NAALADL2: variants seen among roughly 807,000 people sequenced by gnomAD.
The protein encoded by NAALADL2 is N-acetylated alpha-linked acidic dipeptidase like 2, also known as inactive N-acetylated-alpha-linked acidic dipeptidase-like protein 2.
Under a neutral mutation model 87.2 loss-of-function variants are expected in NAALADL2, and 76 were observed. The ratio of observed to expected loss-of-function variants is 0.87; its 90% CI spans 0.72 to 1.05. The LOEUF is 1.05. Among genes scored for constraint, NAALADL2 ranks in the 50% least tolerant of loss-of-function variants. The pLI is 0.00. For missense variants in NAALADL2, 1,089 were observed against 945.8 expected, an observed-to-expected ratio of 1.15 and a Z score of -1.99; for synonymous variants, 354 against 331.0, an observed-to-expected ratio of 1.07 and a Z score of -0.75.
At chr3:175,396,585 C>G (rs1488150815) in intron 5 of NAALADL2, among the ~76,000 whole-genome samples, 11 of 151,960 alleles carry the variant, frequency 7.2e-5, no homozygotes, top group Non-Finnish European at 1.5e-4. Context: ...TCATCATGCA[C>G]TAGAGACGCC....
chr3:175,332,404 T>C (rs1042426973), intron 5 of NAALADL2, among the ~76,000 whole-genome samples: 13 of 152,124 alleles, frequency 8.5e-5, no homozygotes, highest in Non-Finnish European at 1.5e-5. Context: ...AAGGCACAAG[T>C]GATCCTCCCA....
At chr3:174,493,792 T>C (rs2108354592) in intron 1 of NAALADL2, among the ~76,000 whole-genome samples, 1 of 152,350 alleles carries the variant, frequency 6.6e-6, no homozygotes, top group Non-Finnish European at 1.5e-5. Flanking sequence ...ATTAAGTATT[T>C]TGTTAGGTGC....
chr3:175,198,046 G>C (rs575076990), intron 2 of NAALADL2, among the ~76,000 whole-genome samples: 1 of 152,098 alleles, frequency 6.6e-6, no homozygotes, highest in African/African-American at 2.4e-5. Flanking sequence ...CATAAACAAA[G>C]TTATCCTGTA....
At chr3:175,370,529 T>C (rs1336677093) in intron 5 of NAALADL2, among the ~76,000 whole-genome samples, 2 of 152,136 alleles carry the variant, frequency 1.3e-5, no homozygotes, top group Non-Finnish European at 2.9e-5. Context: ...TAAAAATAGC[T>C]TTATTCATTT....
At position 174,990,527 on chromosome 3, in the gene NAALADL2, A is replaced by AT. The variant is rs562258005; in HGVS notation, c.44-106256dup. Among the ~76,000 whole-genome samples the AT allele has an allele frequency of 7.1e-3, 1,080 of 152,174 alleles. 12 individuals are homozygous for AT. The highest frequency in any genetic ancestry group is 0.025 in the African/African-American group (1,031 of 41,532). ...TAAAACAAATTGAAGTGAGGGATTGATTTTTTTGAAGGTGGTTTTAAATAA... is the reference window on the plus strand; with the variant it reads ...TAAAACAAATTGAAGTGAGGGATTGATTTTTTTTGAAGGTGGTTTTAAATAA... On this transcript the variant is annotated intron_variant, in intron 1 of 13. Coordinates refer to ENST00000454872, the MANE Select transcript of NAALADL2 (RefSeq NM_207015.3).
chr3:175,350,165 A>T (rs1184660974), intron 5 of NAALADL2, among the ~76,000 whole-genome samples: 1 of 151,318 alleles, frequency 6.6e-6, no homozygotes, highest in Admixed American at 6.6e-5. Flanking sequence ...GCTGGCTTTT[A>T]TCCTTTTCCT....
intron 11 of NAALADL2, among the ~76,000 whole-genome samples, chr3:175,707,150 A>G (rs559413149): frequency 1.1e-4 from 17 of 152,188 alleles, no homozygotes; most frequent in Admixed American, 1.1e-3. Context: ...ACATGTGCAG[A>G]TGTTGTTCTG....
intron 3 of NAALADL2, among the ~76,000 whole-genome samples, chr3:174,796,954 A>C (rs1366822032): frequency 2.0e-5 from 3 of 151,790 alleles, no homozygotes; most frequent in Non-Finnish European, 4.4e-5. Flanking sequence ...AGATCTTGTT[A>C]GTTTAATTAA....
intron 2 of NAALADL2, among the ~76,000 whole-genome samples, chr3:174,612,850 T>G (rs568105574): frequency 6.6e-6 from 1 of 152,304 alleles, no homozygotes; most frequent in South Asian, 2.1e-4. Context: ...ATGATACTTT[T>G]AAATGTTCAT....
chr3:174,686,776 T>A (rs565885498), intron 2 of NAALADL2, among the ~76,000 whole-genome samples: 123 of 152,210 alleles, frequency 8.1e-4, no homozygotes, highest in Admixed American at 3.8e-3. Context: ...CCTTATGTCA[T>A]GTGCCAGAAT....
At chr3:175,383,856 C>T (rs894871898) in intron 5 of NAALADL2, among the ~76,000 whole-genome samples, 30 of 152,082 alleles carry the variant, frequency 2.0e-4, no homozygotes, top group Admixed American at 1.4e-3. Context: ...AGAAAAGATA[C>T]GTAGTGGGCT....
intron 3 of NAALADL2, among the ~76,000 whole-genome samples, chr3:175,253,478 C>T (rs1164602571): frequency 5.9e-5 from 9 of 152,084 alleles, no homozygotes; most frequent in South Asian, 2.1e-4. Context: ...CCAAGAGCTC[C>T]GATGGTGATG....
intron 1 of NAALADL2, among the ~76,000 whole-genome samples, chr3:174,883,674 C>T (rs939836215): frequency 1.3e-5 from 2 of 152,156 alleles, no homozygotes; most frequent in Non-Finnish European, 1.5e-5. Context: ...CAGCTGGTCA[C>T]GTGGTTGTAG....
intron 9 of NAALADL2, among the ~76,000 whole-genome samples, chr3:175,494,530 G>A (rs950192734): frequency 1.3e-5 from 2 of 152,100 alleles, no homozygotes; most frequent in African/African-American, 4.8e-5. Context: ...GAAATGAATG[G>A]AAGGTCAGTT....
intron 1 of NAALADL2, among the ~76,000 whole-genome samples, chr3:174,460,205 G>C (rs571570049): frequency 6.6e-6 from 1 of 152,022 alleles, no homozygotes; most frequent in East Asian, 1.9e-4. Flanking sequence ...AACCCTAAAT[G>C]TGTTTTGTTC....
chr3:175,547,397 C>T lies in NAALADL2; in HGVS notation c.1654-28644C>T, dbSNP rs192135210. On this transcript the variant is annotated intron_variant, in intron 9 of 13. Coordinates refer to ENST00000454872, the MANE Select transcript of NAALADL2 (RefSeq NM_207015.3). ...ATTAAAACTGGGCCATTACCATATACAAAAATTAAGCAAGATGGATTAAAG... is the reference window on the plus strand; with the variant it reads ...ATTAAAACTGGGCCATTACCATATATAAAAATTAAGCAAGATGGATTAAAG... Among the ~76,000 whole-genome samples the T allele has an allele frequency of 3.4e-4, 51 of 152,132 alleles. No individual in the cohort carries two copies. The East Asian group carries it at 6.8e-3, about 20-fold the overall frequency.
intron 4 of NAALADL2, 141 bp from the exon 5 acceptor site, chr3:175,324,028 CAAAAAA>C (rs372517580): frequency 1.1e-5 from 5 of 436,876 alleles, no homozygotes; most frequent in Non-Finnish European, 1.5e-5. Context: ...AAAAAACAAA[CAAAAAA>C]AAAAAAAAAG....
intron 2 of NAALADL2, among the ~76,000 whole-genome samples, chr3:175,147,338 G>T (rs189408824): frequency 6.6e-6 from 1 of 152,056 alleles, no homozygotes; most frequent in African/African-American, 2.4e-5. Flanking sequence ...AGAACATGCC[G>T]TATTTGGTTT....
At chr3:175,671,462 A>G (rs1733995045) in intron 11 of NAALADL2, among the ~76,000 whole-genome samples, 1 of 152,010 alleles carries the variant, frequency 6.6e-6, no homozygotes, top group Non-Finnish European at 1.5e-5. Flanking sequence ...ATTTGTCATT[A>G]AAGTATTGCT....
Sources: allele counts gnomAD v4.1 joint callset (sites outside exome capture counted in the v4.1 genomes callset), GRCh38; gene constraint gnomAD v4.1.1; transcripts MANE v1.5; gene names NCBI Gene and HGNC (gene_info 2026-07-23, HGNC 2026-07-21).